Variants in DAG1 observed in about 807,000 individuals in gnomAD.
DAG1 encodes the protein dystroglycan 1 (dystrophin-associated glycoprotein 1).
Under a neutral mutation model 46.1 loss-of-function variants are expected in DAG1, and 8 were observed. The observed-to-expected ratio is 0.17, with a 90% CI of 0.10 to 0.31. The LOEUF is 0.31. DAG1 is among the 10% of genes least tolerant of loss of function. The probability of loss-of-function intolerance (pLI) is 1.00; values close to 1 mark genes in which losing one functional copy is unlikely to be tolerated. For synonymous variants in DAG1, 495 were observed against 481.8 expected (o/e 1.03, Z -0.36); for missense variants, 1,003 against 1,189.9 (o/e 0.84, Z 2.31).
intron 2 of DAG1, among the ~76,000 whole-genome samples, chr3:49,521,065 C>A (rs997569706): frequency 3.9e-5 from 6 of 152,128 alleles, no homozygotes; most frequent in Non-Finnish European, 7.3e-5. Context: ...CTCCTCCAGC[C>A]ATTTGCTCTT....
At chr3:49,491,930 CT>C (rs1166608912) in intron 1 of DAG1, among the ~76,000 whole-genome samples, 213 of 137,136 alleles carry the variant, frequency 1.6e-3, no homozygotes, top group Non-Finnish European at 1.4e-3. Context: ...CAAGTCTATT[CT>C]TTTTTTTTTT....
At chr3:49,473,906 CAG>C (rs1300276303) in intron 1 of DAG1, among the ~76,000 whole-genome samples, 1 of 146,792 alleles carries the variant, frequency 6.8e-6, no homozygotes, top group African/African-American at 2.5e-5. Context: ...TCTTCTGAGA[CAG>C]AGTCTCACTC....
At chr3:49,485,639 T>A (rs187492701) in intron 1 of DAG1, among the ~76,000 whole-genome samples, 18 of 148,374 alleles carry the variant, frequency 1.2e-4, no homozygotes, top group African/African-American at 4.4e-4. Context: ...TAGATCAGGT[T>A]TTGTTTTTGT....
rs1004634090 is a variant in DAG1 at position 49,535,072 on chromosome 3, A to T, written c.*1873A>T. 6.6e-6 allele frequency: 1 copy of T among 152,072 alleles called. No homozygotes were observed. Among genetic ancestry groups the T allele is most frequent in the Non-Finnish European group, 1.5e-5 (1 of 68,030 alleles). 9.4% of individuals were successfully genotyped at this position (152,072 alleles called of 1,614,324 possible). A position where few individuals can be genotyped will look rare whatever the true frequency, so the allele number is the denominator to read the frequency against. The stretch of plus-strand genomic sequence containing the variant: ...TCCCCTGCCCCAGTCCCCAGGGGGT[A>T]CTCTGGAGTGAGCAGTGCCCCTGTG... On this transcript the variant is annotated 3_prime_UTR_variant, in exon 3 of 3. Transcript: ENST00000308775.
Position 49,532,262 on chromosome 3 carries a change from G to C in DAG1, c.1751G>C (p.Gly584Ala). ...EYFMHATDKG[G>A]LSAVDAFEIH... is the part of the protein sequence containing the mutation. Reference sequence around the variant, plus strand: ...TTCATGCATGCCACAGACAAGGGGGGCCTGTCGGCTGTGGATGCCTTCGAG... The same window carrying C: ...TTCATGCATGCCACAGACAAGGGGGCCCTGTCGGCTGTGGATGCCTTCGAG... Residue 584 changes from glycine to alanine, a missense_variant, in exon 3 of 3, where the codon GGC becomes GCC. Around this residue, in one of 3 missense-constraint regions of DAG1, gnomAD observed 755 missense variants for 854.1 expected, o/e 0.88. Transcript: ENST00000308775. The surrounding 1 kb of genome is among the most constrained non-coding windows in gnomAD (Gnocchi z 5.4). 1.2e-6 allele frequency: 2 copies of C among 1,613,962 alleles called. No individual in the cohort carries two copies. The highest frequency in any genetic ancestry group is 3.3e-5 in the Admixed American group (2 of 60,018).
At chr3:49,507,665 T>G (rs2050643510) in intron 1 of DAG1, among the ~76,000 whole-genome samples, 1 of 151,944 alleles carries the variant, frequency 6.6e-6, no homozygotes, top group Non-Finnish European at 1.5e-5. Flanking sequence ...TTTCCTTTCC[T>G]TTATCTTTTC....
In DAG1 at chr3:49,531,992, A is replaced by G. The variant is rs2051363891; in HGVS notation, c.1481A>G (p.Asn494Ser). The G allele has an allele frequency of 1.2e-6, 2 of 1,614,148 alleles. No homozygotes were observed. The highest frequency in any genetic ancestry group is 8.5e-7 in the Non-Finnish European group (1 of 1,180,028). Residue 494 changes from asparagine to serine, a missense_variant, in exon 3 of 3, where the codon AAC becomes AGC. This residue lies in a region of DAG1 where 755 missense variants were observed against 854.1 expected (regional missense o/e 0.88). Transcript: ENST00000308775. This position sits in a 1 kb window ranked among gnomAD's most constrained non-coding sequence, Gnocchi z 7.0. ...GGAGTGCCCCGTGGCGGAGAACCCAACCAGCGCCCAGAGCTCAAGAACCAT... is the reference window on the plus strand; with the variant it reads ...GGAGTGCCCCGTGGCGGAGAACCCAGCCAGCGCCCAGAGCTCAAGAACCAT... ...TSGVPRGGEP[N>S]QRPELKNHID...
intron 1 of DAG1, among the ~76,000 whole-genome samples, chr3:49,484,369 C>A (rs745534052): frequency 1.4e-4 from 21 of 151,940 alleles, no homozygotes; most frequent in Non-Finnish European, 2.5e-4. Flanking sequence ...CCTGTGGGGA[C>A]CCCTGTCTCT....
chr3:49,531,255 A>C lies in DAG1; in HGVS notation c.744A>C (p.Ala248=). The part of the protein sequence containing the change: ...MSAFMAGPGN[A]KKVVENGALL... The stretch of plus-strand genomic sequence containing the variant: ...CCTTCATGGCTGGCCCGGGAAATGC[A>C]AAAAAGGTGGTGGAGAATGGGGCCC... Residue 248 remains alanine, a synonymous_variant, in exon 3 of 3, where the codon GCA becomes GCC. Coordinates refer to ENST00000308775, the MANE Select transcript of DAG1 (RefSeq NM_004393.6). This position sits in a 1 kb window ranked among gnomAD's most constrained non-coding sequence, Gnocchi z 7.0. 1.2e-6 allele frequency: 2 copies of C among 1,614,028 alleles called. No individual in the cohort carries two copies. Among genetic ancestry groups the C allele is most frequent in the Non-Finnish European group, 8.5e-7 (1 of 1,179,996 alleles).
chr3:49,532,068 G>A lies in DAG1; in HGVS notation c.1557G>A (p.Pro519=), dbSNP rs201897321. Residue 519 remains proline, a synonymous_variant, in exon 3 of 3, where the codon CCG becomes CCA. Transcript: ENST00000308775. This position sits in a 1 kb window ranked among gnomAD's most constrained non-coding sequence, Gnocchi z 5.4. ...GCACCTACTTTGAGGTGAAGATCCC[G>A]TCAGACACTTTCTATGACCATGAGG... ...WVGTYFEVKI[P]SDTFYDHEDT... The A allele has an allele frequency of 1.2e-5, 20 of 1,614,204 alleles. No individual in the cohort carries two copies. Among genetic ancestry groups the A allele is most frequent in the Middle Eastern group, 1.6e-4 (1 of 6,062 alleles).
intron 1 of DAG1, among the ~76,000 whole-genome samples, chr3:49,507,215 C>T (rs1174309472): frequency 6.6e-6 from 1 of 152,062 alleles, no homozygotes; most frequent in Non-Finnish European, 1.5e-5. Flanking sequence ...ATTGGTAGAA[C>T]TTACCGCTGA....
rs530601262 is a variant in DAG1, at chr3:49,533,333, G to A, written c.*134G>A. 44 of 1,378,264 alleles carry A rather than the reference G, an allele frequency of 3.2e-5. No homozygotes were observed. The highest frequency in any genetic ancestry group is 7.8e-5 in the Admixed American group (4 of 51,084). 85.4% of individuals were successfully genotyped at this position (1,378,264 alleles called of 1,614,324 possible). A position where few individuals can be genotyped will look rare whatever the true frequency, so the allele number is the denominator to read the frequency against. On this transcript the variant is annotated 3_prime_UTR_variant, in exon 3 of 3. Transcript: ENST00000308775. Reference sequence around the variant, plus strand: ...CTGACCTAGCACACACTGACACAGGGGCCTGGACAAGCCCGCCCTCTCTGG... The same window carrying A: ...CTGACCTAGCACACACTGACACAGGAGCCTGGACAAGCCCGCCCTCTCTGG...
chr3:49,492,293 T>C (rs1254303969), intron 1 of DAG1, among the ~76,000 whole-genome samples: 1 of 152,204 alleles, frequency 6.6e-6, no homozygotes, highest in African/African-American at 2.4e-5. Flanking sequence ...TACATAACAA[T>C]ACATAAAATA....
chr3:49,471,353 T>A (rs1261988523), intron 1 of DAG1, among the ~76,000 whole-genome samples: 5 of 152,196 alleles, frequency 3.3e-5, no homozygotes, highest in African/African-American at 1.2e-4. Flanking sequence ...TGGATGTGCT[T>A]TCAGGTGTTT....
At chr3:49,529,229 C>T (rs1471574071) in intron 2 of DAG1, among the ~76,000 whole-genome samples, 2 of 151,976 alleles carry the variant, frequency 1.3e-5, no homozygotes, top group African/African-American at 4.8e-5. Flanking sequence ...ATGGGGGTCT[C>T]ACTGTGTTGG....
chr3:49,522,763 A>G (rs2051067962), intron 2 of DAG1, among the ~76,000 whole-genome samples: 1 of 152,124 alleles, frequency 6.6e-6, no homozygotes, highest in Admixed American at 6.6e-5. Context: ...TCAGAAGCAC[A>G]TCGTCTCTAA....
intron 1 of DAG1, among the ~76,000 whole-genome samples, chr3:49,486,736 C>T (rs3924463): frequency 0.44 from 66,528 of 151,832 alleles, 15,880 homozygotes; most frequent in East Asian, 0.93. Context: ...CTCCTGACCT[C>T]GGGTGATCTG....
intron 1 of DAG1, among the ~76,000 whole-genome samples, chr3:49,487,916 A>T (rs2050081863): frequency 6.6e-6 from 1 of 151,662 alleles, no homozygotes; most frequent in African/African-American, 2.4e-5. Context: ...GTTAGCCAGG[A>T]TGGTCTCGAT....
intron 1 of DAG1, among the ~76,000 whole-genome samples, chr3:49,498,277 T>C (rs906979303): frequency 6.6e-6 from 1 of 152,192 alleles, no homozygotes; most frequent in African/African-American, 2.4e-5. Flanking sequence ...TCCCCTGAAC[T>C]GAGCACTTTT....
Sources: allele counts gnomAD v4.1 joint callset (sites outside exome capture counted in the v4.1 genomes callset), GRCh38; gene constraint gnomAD v4.1.1; regional missense constraint gnomAD v4.1.1; non-coding constraint Gnocchi (gnomAD v3.1); transcripts MANE v1.5; gene names NCBI Gene and HGNC (gene_info 2026-07-23, HGNC 2026-07-21).